CSMD3: variants seen among roughly 807,000 people sequenced by gnomAD.
CSMD3 encodes the protein CUB and sushi domain-containing protein 3.
In CSMD3, 177 loss-of-function variants were observed where a neutral mutation model predicts 435.2. The ratio of observed to expected loss-of-function variants is 0.41; its 90% CI spans 0.36 to 0.46. The LOEUF (loss-of-function observed/expected upper bound fraction) is 0.46, where lower values mean the gene tolerates loss of function less well. CSMD3 is among the 20% of genes least tolerant of loss of function. The pLI is 0.34. For missense variants in CSMD3, 4,265 were observed against 4,504.6 expected, an observed-to-expected ratio of 0.95 and a Z score of 1.52; for synonymous variants, 1,656 against 1,520.5, an observed-to-expected ratio of 1.09 and a Z score of -2.07.
At chr8:112,482,036 T>A (rs1008439142) in intron 31 of CSMD3, among the ~76,000 whole-genome samples, 2 of 152,194 alleles carry the variant, frequency 1.3e-5, no homozygotes, top group African/African-American at 4.8e-5. Flanking sequence ...ATCAGTGTGG[T>A]AATCAGTGGC....
rs564391640 is a variant in CSMD3, at chr8:112,627,232, T to C, written c.3715+9585A>G. 2.6e-5 allele frequency among the ~76,000 whole-genome samples: 4 copies of C among 152,282 alleles called. No homozygotes were observed. The South Asian group carries it at 8.3e-4, about 32-fold the overall frequency. On this transcript the variant is annotated intron_variant, in intron 22 of 70. Transcript: ENST00000297405. ...CACTACTTTGAGGTCTATTATAGTTTTTCTTTTTTTCCAGCATATTTTCCA... is the reference window on the plus strand; with the variant it reads ...CACTACTTTGAGGTCTATTATAGTTCTTCTTTTTTTCCAGCATATTTTCCA...
chr8:113,048,003 T>A (rs764172711), intron 5 of CSMD3, among the ~76,000 whole-genome samples: 7 of 152,070 alleles, frequency 4.6e-5, no homozygotes, highest in Non-Finnish European at 7.4e-5. Context: ...AAGACAGACT[T>A]CCTAAGGAAA....
intron 32 of CSMD3, among the ~76,000 whole-genome samples, chr8:112,416,056 G>C (rs2130198909): frequency 6.6e-6 from 1 of 152,262 alleles, no homozygotes; most frequent in African/African-American, 2.4e-5. Context: ...CTGTTGGAAA[G>C]GTATGATTGT....
At chr8:112,599,586 A>T (rs1439404828) in intron 22 of CSMD3, among the ~76,000 whole-genome samples, 1 of 149,950 alleles carries the variant, frequency 6.7e-6, no homozygotes, top group African/African-American at 2.4e-5. Context: ...TTATTGCGGC[A>T]TTATTCACAA....
At position 112,291,624 on chromosome 8, in the gene CSMD3, T is replaced by C; in HGVS notation, c.8860A>G (p.Thr2954Ala). The change falls in exon 56 of 71, where the codon ACT (threonine) becomes GCT (alanine). Residue 2954 changes from threonine (T) to alanine (A), a missense_variant. Thr to Ala is a moderately conservative substitution (Grantham distance 58). Around this residue, in one of 3 missense-constraint regions of CSMD3, gnomAD observed 3,255 missense variants for 3,380.2 expected, o/e 0.96. Coordinates refer to ENST00000297405, the MANE Select transcript of CSMD3 (RefSeq NM_198123.2). ...RESKIEHGNF[T>A]YGTVVFYDCN... Reference sequence around the variant, plus strand: ...TCATAGAATACCACAGTGCCGTAAGTAAAATTTCCATGTTCTATTTTACTT... The same window carrying C: ...TCATAGAATACCACAGTGCCGTAAGCAAAATTTCCATGTTCTATTTTACTT... The C allele has an allele frequency of 6.2e-7, 1 of 1,611,830 alleles. No individual in the cohort carries two copies.
rs563401153 is a variant in CSMD3, at chr8:113,181,586, T to G, written c.515-7670A>C. On this transcript the variant is annotated intron_variant, in intron 3 of 70. Transcript: ENST00000297405. ...TAAATTTTATCACCCAAAATGAATT[T>G]ACAAAAACGATATTATATTTTTGTT... Among the ~76,000 whole-genome samples, 5 of 152,228 alleles carry G rather than the reference T, an allele frequency of 3.3e-5. 1 individual carries two copies. In the South Asian group the frequency reaches 8.3e-4, roughly 25 times the overall value.
chr8:112,644,752 C>A (rs933087515), intron 20 of CSMD3, among the ~76,000 whole-genome samples: 1 of 152,028 alleles, frequency 6.6e-6, no homozygotes, highest in Non-Finnish European at 1.5e-5. Context: ...CATATCAGAG[C>A]ATCTCATATT....
chr8:112,537,727 G>GT (rs1240337232), intron 27 of CSMD3, among the ~76,000 whole-genome samples: 1 of 150,742 alleles, frequency 6.6e-6, no homozygotes, highest in East Asian at 1.9e-4. Context: ...GTTCAAAGTA[G>GT]TAAAAAAAAA....
At chr8:112,746,249 T>C (rs2077423075) in intron 13 of CSMD3, among the ~76,000 whole-genome samples, 3 of 152,174 alleles carry the variant, frequency 2.0e-5, no homozygotes, top group African/African-American at 7.2e-5. Flanking sequence ...TTGCCAGCAT[T>C]ATTACTGCAA....
At chr8:113,070,488 T>C (rs1027890294) in intron 5 of CSMD3, among the ~76,000 whole-genome samples, 6 of 151,950 alleles carry the variant, frequency 3.9e-5, no homozygotes, top group African/African-American at 1.2e-4. Context: ...TCTTAGCAAA[T>C]TGTAGTGAAT....
intron 5 of CSMD3, among the ~76,000 whole-genome samples, chr8:113,021,738 A>G (rs1221261698): frequency 6.6e-6 from 1 of 152,228 alleles, no homozygotes; most frequent in African/African-American, 2.4e-5. Flanking sequence ...GTGTAACTGC[A>G]GTTTGCAACT....
intron 5 of CSMD3, among the ~76,000 whole-genome samples, chr8:113,027,289 G>C (rs973722089): frequency 6.6e-6 from 1 of 152,000 alleles, no homozygotes; most frequent in Admixed American, 6.5e-5. Flanking sequence ...GTCTGAACAA[G>C]AATGCATTTT....
At chr8:112,899,016 A>T (rs1041273442) in intron 10 of CSMD3, among the ~76,000 whole-genome samples, 4 of 151,264 alleles carry the variant, frequency 2.6e-5, no homozygotes, top group African/African-American at 9.7e-5. Context: ...AAAATGAGTG[A>T]CACAAATGCA....
intron 29 of CSMD3, 28 bp from the exon 30 acceptor site, chr8:112,504,005 A>G: frequency 7.1e-7 from 1 of 1,405,296 alleles, no homozygotes; most frequent in Non-Finnish European, 1.0e-6. Flanking sequence ...AGAACAAAAG[A>G]AAGAAAGAGA....
intron 59 of CSMD3, among the ~76,000 whole-genome samples, chr8:112,265,982 T>C (rs1315332771): frequency 6.6e-6 from 1 of 152,152 alleles, no homozygotes; most frequent in African/African-American, 2.4e-5. Flanking sequence ...AAGTATCTAA[T>C]TTATCAGGCA....
At chr8:113,031,764 G>C (rs2087119625) in intron 5 of CSMD3, among the ~76,000 whole-genome samples, 1 of 151,588 alleles carries the variant, frequency 6.6e-6, no homozygotes, top group African/African-American at 2.4e-5. Context: ...GGGGATAGTG[G>C]GTGAACAATA....
intron 32 of CSMD3, among the ~76,000 whole-genome samples, chr8:112,411,008 A>G (rs201739066): frequency 1.0e-5 from 1 of 96,882 alleles, no homozygotes; most frequent in Non-Finnish European, 2.6e-5. Flanking sequence ...CTTTCTTTCT[A>G]TTAGAAAACA....
intron 42 of CSMD3, among the ~76,000 whole-genome samples, chr8:112,338,412 T>A (rs1015442937): frequency 1.3e-5 from 2 of 152,144 alleles, no homozygotes; most frequent in African/African-American, 4.8e-5. Flanking sequence ...CTATTGCCTT[T>A]CACAGAGTAG....
chr8:112,857,263 C>T (rs928190416), intron 11 of CSMD3, among the ~76,000 whole-genome samples: 3 of 151,542 alleles, frequency 2.0e-5, no homozygotes, highest in African/African-American at 7.3e-5. Flanking sequence ...TAGCAAAGAA[C>T]TGAAAGTAAT....
Sources: allele counts gnomAD v4.1 joint callset (sites outside exome capture counted in the v4.1 genomes callset), GRCh38; gene constraint gnomAD v4.1.1; regional missense constraint gnomAD v4.1.1; transcripts MANE v1.5; gene names NCBI Gene and HGNC (gene_info 2026-07-23, HGNC 2026-07-21).